AGBL4: variants seen among roughly 807,000 people sequenced by gnomAD.
The protein encoded by AGBL4 is cytosolic carboxypeptidase 6.
In AGBL4, 58 loss-of-function variants were observed where a neutral mutation model predicts 66.4. That is an observed-to-expected ratio of 0.87 (90% CI 0.71 to 1.09). The LOEUF is 1.09. Among genes scored for constraint, AGBL4 ranks in the 50% least tolerant of loss-of-function variants. The pLI, the probability that AGBL4 is intolerant of heterozygous loss-of-function variation, is 0.00. For synonymous variants in AGBL4, 234 were observed against 222.9 expected (o/e 1.05, Z -0.44); for missense variants, 579 against 631.0 (o/e 0.92, Z 0.88).
At chr1:49,023,738 A>G (rs1033319150) in intron 5 of AGBL4, among the ~76,000 whole-genome samples, 5 of 152,166 alleles carry the variant, frequency 3.3e-5, no homozygotes, top group Non-Finnish European at 7.3e-5. Flanking sequence ...TTCACATATA[A>G]TTTATTCATA....
At chr1:48,593,449 T>C (rs931339099) in intron 9 of AGBL4, among the ~76,000 whole-genome samples, 3 of 152,316 alleles carry the variant, frequency 2.0e-5, no homozygotes, top group African/African-American at 7.2e-5. Context: ...ACATACACAA[T>C]TGTATGTAAA....
intron 6 of AGBL4, among the ~76,000 whole-genome samples, chr1:48,823,315 A>C (rs1570755174): frequency 6.6e-6 from 1 of 152,172 alleles, no homozygotes; most frequent in Admixed American, 6.5e-5. Context: ...CACAGTGCCA[A>C]ATAATTAACC....
At chr1:49,754,526 G>C (rs934067900) in intron 2 of AGBL4, among the ~76,000 whole-genome samples, 10 of 152,078 alleles carry the variant, frequency 6.6e-5, no homozygotes, top group African/African-American at 2.4e-4. Context: ...TGCAGCCTGT[G>C]CAACAGCAAA....
At chr1:48,892,517 A>T (rs1651064304) in intron 5 of AGBL4, among the ~76,000 whole-genome samples, 1 of 152,162 alleles carries the variant, frequency 6.6e-6, no homozygotes, top group Admixed American at 6.5e-5. Context: ...GATAAACATC[A>T]ATCAACATAT....
chr1:49,843,615 TCA>T (rs1174871484), intron 2 of AGBL4, among the ~76,000 whole-genome samples: 4 of 152,204 alleles, frequency 2.6e-5, no homozygotes, highest in African/African-American at 7.2e-5. Context: ...ACAGGTCCAC[TCA>T]GATAATCCAG....
chr1:49,701,047 C>T (rs1366895625), intron 2 of AGBL4, among the ~76,000 whole-genome samples: 2 of 151,266 alleles, frequency 1.3e-5, no homozygotes, highest in African/African-American at 4.9e-5. Flanking sequence ...AGAAATAAAC[C>T]ACATATTATT....
intron 5 of AGBL4, among the ~76,000 whole-genome samples, chr1:48,982,492 C>T (rs889364381): frequency 6.6e-6 from 1 of 152,030 alleles, no homozygotes; most frequent in African/African-American, 2.4e-5. Flanking sequence ...TGATGGTTTC[C>T]AGCTTCATCC....
intron 1 of AGBL4, among the ~76,000 whole-genome samples, chr1:50,001,643 G>A (rs1299052857): frequency 6.6e-6 from 1 of 151,972 alleles, no homozygotes; most frequent in Non-Finnish European, 1.5e-5. Context: ...GAGAAAATAG[G>A]GAATGACGGG....
At position 49,479,321 on chromosome 1, in the gene AGBL4, G is replaced by A. The variant is rs578206447; in HGVS notation, c.282+217992C>T. 1.4e-4 allele frequency among the ~76,000 whole-genome samples: 22 copies of A among 151,872 alleles called. No homozygotes were observed. The South Asian group carries it at 1.7e-3, about 12-fold the overall frequency. ...TTTTTTACTTTTATTTTAAGTTCAG[G>A]GGTACATGTGCAGTATGTGCGGGTA... On this transcript the variant is annotated intron_variant, in intron 3 of 13. Transcript: ENST00000371839.
chr1:49,386,774 C>T (rs1052884472), intron 3 of AGBL4, among the ~76,000 whole-genome samples: 2 of 151,922 alleles, frequency 1.3e-5, no homozygotes, highest in African/African-American at 4.8e-5. Context: ...TTAGCTCTAT[C>T]ATGCCTGACT....
intron 3 of AGBL4, among the ~76,000 whole-genome samples, chr1:49,311,087 A>G (rs1368938066): frequency 1.3e-5 from 2 of 152,086 alleles, no homozygotes; most frequent in Non-Finnish European, 1.5e-5. Flanking sequence ...AATAACAAAA[A>G]TTATTATTTA....
chr1:49,533,081 CT>C (rs1432854040), intron 3 of AGBL4, among the ~76,000 whole-genome samples: 3 of 152,160 alleles, frequency 2.0e-5, no homozygotes, highest in Non-Finnish European at 4.4e-5. Flanking sequence ...TTACTATGAA[CT>C]CATTAACTGA....
intron 4 of AGBL4, among the ~76,000 whole-genome samples, chr1:49,159,173 T>C (rs1314574047): frequency 6.6e-6 from 1 of 151,934 alleles, no homozygotes; most frequent in African/African-American, 2.4e-5. Context: ...GTCTTTACAG[T>C]TTGGTCTGTT....
chr1:49,732,372 C>T (rs540218571), intron 2 of AGBL4, among the ~76,000 whole-genome samples: 41 of 152,300 alleles, frequency 2.7e-4, no homozygotes, highest in African/African-American at 9.9e-4. Flanking sequence ...TTATACAAAA[C>T]TTTTAATTCT....
chr1:49,794,317 G>A (rs781695395), intron 2 of AGBL4, among the ~76,000 whole-genome samples: 4 of 151,770 alleles, frequency 2.6e-5, no homozygotes, highest in Non-Finnish European at 5.9e-5. Context: ...ACGGATTTAA[G>A]TTAAATTACC....
chr1:49,839,962 G>A (rs1052877643), intron 2 of AGBL4, among the ~76,000 whole-genome samples: 1 of 152,078 alleles, frequency 6.6e-6, no homozygotes, highest in African/African-American at 2.4e-5. Flanking sequence ...TAATTCAGGA[G>A]GATCCACAAG....
intron 3 of AGBL4, among the ~76,000 whole-genome samples, chr1:49,525,527 A>G (rs1232960218): frequency 6.6e-6 from 1 of 152,026 alleles, no homozygotes; most frequent in African/African-American, 2.4e-5. Flanking sequence ...CCTTTCACTC[A>G]GCAGAAATAA....
At chr1:49,730,679 G>A (rs1046476949) in intron 2 of AGBL4, among the ~76,000 whole-genome samples, 1 of 152,106 alleles carries the variant, frequency 6.6e-6, no homozygotes, top group East Asian at 1.9e-4. Flanking sequence ...ATCCAGCCCT[G>A]GGCGAAGCAC....
chr1:49,203,626 G>T (rs1388900642), intron 4 of AGBL4, among the ~76,000 whole-genome samples: 1 of 152,080 alleles, frequency 6.6e-6, no homozygotes, highest in Non-Finnish European at 1.5e-5. Context: ...GAAATGGGAA[G>T]TTGTTGTTTA....
Sources: gnomAD v4.1 joint callset for allele counts (sites outside exome capture counted in the v4.1 genomes callset) on GRCh38, gnomAD v4.1.1 for gene constraint, MANE v1.5 for transcripts, NCBI Gene and HGNC (gene_info 2026-07-23, HGNC 2026-07-21) for gene names.